Variants in DGKI observed in about 807,000 individuals in gnomAD.
DGKI encodes diacylglycerol kinase iota, also known as DAG kinase iota.
Under a neutral mutation model 147.5 loss-of-function variants are expected in DGKI, and 55 were observed. That is an observed-to-expected ratio of 0.37 (90% CI 0.30 to 0.47). The LOEUF (loss-of-function observed/expected upper bound fraction) is 0.47. DGKI is among the 20% of genes least tolerant of loss of function. DGKI has a pLI of 1.00. For missense variants in DGKI, 1,007 were observed against 1,323.8 expected (o/e 0.76, Z 3.71); for synonymous variants, 469 against 477.1 (o/e 0.98, Z 0.22).
chr7:137,545,859 G>T (rs1187289168), intron 20 of DGKI: 1 of 695,476 alleles, frequency 1.4e-6, no homozygotes, highest in Non-Finnish European at 2.6e-6. Context: ...AGGAGACGAG[G>T]CTGGGGAGAA....
chr7:137,608,759 GA>G (rs763319674), intron 10 of DGKI, among the ~76,000 whole-genome samples: 1 of 152,148 alleles, frequency 6.6e-6, no homozygotes, highest in Non-Finnish European at 1.5e-5. Flanking sequence ...GTCTTATATG[GA>G]AGCAGACAGA....
chr7:137,643,181 C>T (rs1821702135), intron 6 of DGKI, among the ~76,000 whole-genome samples: 1 of 148,050 alleles, frequency 6.8e-6, no homozygotes, highest in African/African-American at 2.5e-5. Context: ...GTCCCAGCTA[C>T]TTGGGAGGCT....
At chr7:137,813,857 T>G (rs1472634105) in intron 1 of DGKI, among the ~76,000 whole-genome samples, 1 of 152,204 alleles carries the variant, frequency 6.6e-6, no homozygotes. Flanking sequence ...GTTCAGGATA[T>G]CTAATAACGC....
At chr7:137,551,396 A>G (rs942971063) in intron 20 of DGKI, among the ~76,000 whole-genome samples, 2 of 152,288 alleles carry the variant, frequency 1.3e-5, no homozygotes, top group Non-Finnish European at 2.9e-5. Flanking sequence ...TGCATGGCAA[A>G]GCACGCCCTT....
chr7:137,519,282 A>G (rs936605244), intron 21 of DGKI, among the ~76,000 whole-genome samples: 5 of 152,076 alleles, frequency 3.3e-5, no homozygotes, highest in Non-Finnish European at 4.4e-5. Context: ...GGAGCCCTGC[A>G]TTATGGACGG....
At chr7:137,510,491 G>T (rs1366975814) in intron 21 of DGKI, among the ~76,000 whole-genome samples, 3 of 152,210 alleles carry the variant, frequency 2.0e-5, no homozygotes, top group Admixed American at 6.5e-5. Context: ...AGATAACAAA[G>T]GCTTGACTGT....
At chr7:137,656,432 T>G in intron 4 of DGKI, 34 bp downstream of exon 4, 1 of 1,610,672 alleles carries the variant, frequency 6.2e-7, no homozygotes, top group South Asian at 1.1e-5. Context: ...ATACTTGCAA[T>G]GTAACAAAAC....
At chr7:137,590,782 T>C (rs1215634539) in intron 12 of DGKI, among the ~76,000 whole-genome samples, 1 of 152,130 alleles carries the variant, frequency 6.6e-6, no homozygotes, top group Non-Finnish European at 1.5e-5. Context: ...AGCGTCTACC[T>C]CGTGGGCTCA....
Position 137,846,960 on chromosome 7 carries a change from G to A in DGKI, c.-98C>T. ...CGCTCCCCGCCTCCCGCGCCCTCCC[G>A]CGCCGGCCCGCACCCTCCAGCCCCG... On this transcript the variant is annotated 5_prime_UTR_variant, in exon 1 of 33. Transcript: ENST00000614521. The surrounding 1 kb of genome is among the most constrained non-coding windows in gnomAD (Gnocchi z 4.0). 1.1e-6 allele frequency: 1 copy of A among 931,020 alleles called. No individual in the cohort carries two copies. Among genetic ancestry groups the A allele is most frequent in the African/African-American group, 1.8e-5 (1 of 56,188 alleles). The allele number at this position is 931,020 out of a possible 1,614,324, so 57.7% of individuals were successfully genotyped here. A position where few individuals can be genotyped will look rare whatever the true frequency, so the allele number is the denominator to read the frequency against.
In DGKI at chr7:137,465,928, C is replaced by G; in HGVS notation, c.2592G>C (p.Leu864=). 1 of 1,614,054 alleles carries G rather than the reference C, an allele frequency of 6.2e-7. No individual in the cohort carries two copies. Among genetic ancestry groups the G allele is most frequent in the South Asian group, 1.1e-5 (1 of 91,060 alleles). ...CTCACCCCGAGGCTTGTTCCACCACCAGGTCAGGCATGCCCGGAGGTGTCC... is the reference window on the plus strand; with the variant it reads ...CTCACCCCGAGGCTTGTTCCACCACGAGGTCAGGCATGCCCGGAGGTGTCC... ...PAGTPPGMPD[L]VVEQASGISD... Residue 864 remains leucine (L), a synonymous_variant, in exon 26 of 33, where the codon CTG becomes CTC. Transcript: ENST00000614521.
chr7:137,772,187 C>G (rs1282598699), intron 1 of DGKI: 2 of 151,810 alleles, frequency 1.3e-5, no homozygotes, highest in Non-Finnish European at 2.9e-5. Flanking sequence ...AATCATGACA[C>G]AGAACTCTGT....
At chr7:137,798,212 A>G (rs868145381) in intron 1 of DGKI, among the ~76,000 whole-genome samples, 2 of 152,324 alleles carry the variant, frequency 1.3e-5, no homozygotes, top group South Asian at 2.1e-4. Context: ...AAAAGTTCTC[A>G]CAATGGAAAG....
At chr7:137,404,668 G>C (rs938319294) in intron 30 of DGKI, among the ~76,000 whole-genome samples, 1 of 152,164 alleles carries the variant, frequency 6.6e-6, no homozygotes, top group Non-Finnish European at 1.5e-5. Flanking sequence ...GTGAAGTTAG[G>C]ATGATTACTG....
At chr7:137,662,862 A>T (rs902934830) in intron 3 of DGKI, among the ~76,000 whole-genome samples, 2 of 152,212 alleles carry the variant, frequency 1.3e-5, no homozygotes, top group African/African-American at 2.4e-5. Flanking sequence ...AGCCCCCAAC[A>T]ACCAACACCC....
At chr7:137,566,881 T>TGAAGGA in intron 19 of DGKI, among the ~76,000 whole-genome samples, 1 of 152,178 alleles carries the variant, frequency 6.6e-6, no homozygotes, top group South Asian at 2.1e-4. Flanking sequence ...AAACACAGTG[T>TGAAGGA]ATTTCTTTTG....
At chr7:137,701,193 C>T (rs1823970989) in intron 1 of DGKI, among the ~76,000 whole-genome samples, 1 of 151,968 alleles carries the variant, frequency 6.6e-6, no homozygotes, top group South Asian at 2.1e-4. Flanking sequence ...AAAAAGTCCT[C>T]AGTCTGATAA....
chr7:137,754,681 C>T (rs912224407), intron 1 of DGKI, among the ~76,000 whole-genome samples: 4 of 152,174 alleles, frequency 2.6e-5, no homozygotes, highest in African/African-American at 4.8e-5. Context: ...GGTGGGTAGA[C>T]GTGTGCCTAC....
chr7:137,589,823 A>T (rs1819544240), intron 12 of DGKI, among the ~76,000 whole-genome samples: 1 of 152,188 alleles, frequency 6.6e-6, no homozygotes, highest in Admixed American at 6.5e-5. Flanking sequence ...ATTCTCCTTA[A>T]AACTTCTCTA....
At chr7:137,523,212 T>A (rs6946246) in intron 20 of DGKI, among the ~76,000 whole-genome samples, 13,975 of 151,878 alleles carry the variant, frequency 0.092, 1,384 homozygotes, top group African/African-American at 0.24. Flanking sequence ...CACTTCAAAC[T>A]CACACACACA....
Sources: gnomAD v4.1 joint callset for allele counts (sites outside exome capture counted in the v4.1 genomes callset) on GRCh38, gnomAD v4.1.1 for gene constraint, Gnocchi (gnomAD v3.1) non-coding constraint, MANE v1.5 for transcripts, NCBI Gene and HGNC (gene_info 2026-07-23, HGNC 2026-07-21) for gene names.